The following CNTNAP5 variants were observed in gnomAD, a reference collection of about 807,000 sequenced individuals.
CNTNAP5 encodes contactin-associated protein-like 5.
Under a neutral mutation model 150.2 loss-of-function variants are expected in CNTNAP5, and 72 were observed. The observed-to-expected ratio is 0.48, with a 90% confidence interval of 0.40 to 0.58. The LOEUF (loss-of-function observed/expected upper bound fraction) is 0.58, where lower values mean the gene tolerates loss of function less well. Ranked by LOEUF, CNTNAP5 falls within the 20% of genes least tolerant of loss-of-function variation. CNTNAP5 has a pLI of 0.00. For missense variants in CNTNAP5, 1,636 were observed against 1,626.2 expected (o/e 1.01, Z -0.10); for synonymous variants, 672 against 619.8 (o/e 1.08, Z -1.25).
chr2:124,428,568 C>T (rs1285157387), intron 4 of CNTNAP5, among the ~76,000 whole-genome samples: 1 of 151,644 alleles, frequency 6.6e-6, no homozygotes, highest in African/African-American at 2.4e-5. Context: ...AGTGAAAGAG[C>T]AAGTGAAGAA....
At chr2:124,116,317 A>T (rs1049034697) in intron 1 of CNTNAP5, among the ~76,000 whole-genome samples, 3 of 152,196 alleles carry the variant, frequency 2.0e-5, no homozygotes, top group African/African-American at 7.2e-5. Context: ...CTGCTATCAC[A>T]GTCCCCATAG....
chr2:124,048,195 T>C (rs1681590716), intron 1 of CNTNAP5, among the ~76,000 whole-genome samples: 1 of 152,190 alleles, frequency 6.6e-6, no homozygotes, highest in South Asian at 2.1e-4. Flanking sequence ...TGTTGTTCTG[T>C]TTAAACTGGC....
chr2:124,075,858 C>T (rs752313607), intron 1 of CNTNAP5, among the ~76,000 whole-genome samples: 5 of 152,132 alleles, frequency 3.3e-5, no homozygotes, highest in Non-Finnish European at 7.4e-5. Flanking sequence ...AAAGTTTGTA[C>T]TTTATGCCTT....
chr2:124,520,724 T>C (rs1013706851), intron 8 of CNTNAP5, among the ~76,000 whole-genome samples: 1 of 152,064 alleles, frequency 6.6e-6, no homozygotes, highest in Non-Finnish European at 1.5e-5. Flanking sequence ...CTAAGATAAT[T>C]TTTTTCCCCC....
rs181846345 is a variant in CNTNAP5, at chr2:124,725,535, C to T, written c.2078-21694C>T. Among the ~76,000 whole-genome samples, 278 of 149,272 alleles carry T rather than the reference C, an allele frequency of 1.9e-3. 2 individuals carry two copies. The highest frequency in any genetic ancestry group is 2.4e-3 in the Admixed American group (36 of 14,700). On this transcript the variant is annotated intron_variant, in intron 13 of 23. Transcript: ENST00000682447. ...CTTTCCTCTTCTCTCCTCTTGTTTC[C>T]TTCCTCTCTCTCTCACTCTTTCTTT...
intron 3 of CNTNAP5, among the ~76,000 whole-genome samples, chr2:124,310,793 T>G (rs1007275860): frequency 2.0e-5 from 3 of 152,122 alleles, no homozygotes; most frequent in Non-Finnish European, 2.9e-5. Flanking sequence ...AGAAGAAGCT[T>G]CCTTACCTCA....
intron 1 of CNTNAP5, among the ~76,000 whole-genome samples, chr2:124,192,370 C>G (rs1243886159): frequency 6.6e-6 from 1 of 152,112 alleles, no homozygotes; most frequent in East Asian, 1.9e-4. Context: ...GCAGCCCTGG[C>G]ACTTCTTTGC....
At chr2:124,743,734 A>G (rs576800162) in intron 13 of CNTNAP5, among the ~76,000 whole-genome samples, 1 of 152,176 alleles carries the variant, frequency 6.6e-6, no homozygotes, top group Non-Finnish European at 1.5e-5. Flanking sequence ...CTTAGCTTCT[A>G]TTCAAGAACC....
intron 12 of CNTNAP5, among the ~76,000 whole-genome samples, chr2:124,625,860 A>G (rs138200485): frequency 1.3e-5 from 2 of 152,280 alleles, no homozygotes; most frequent in African/African-American, 4.8e-5. Context: ...TCTTACAGCA[A>G]TTTTAGCTAG....
chr2:124,312,639 C>CG (rs1316425845), intron 3 of CNTNAP5, among the ~76,000 whole-genome samples: 2 of 152,220 alleles, frequency 1.3e-5, no homozygotes, highest in Non-Finnish European at 2.9e-5. Context: ...GGCACTACCT[C>CG]GGCTCACTGC....
Position 124,701,187 on chromosome 2 carries a change from T to A in CNTNAP5, c.2078-46042T>A, listed in dbSNP as rs183062618. On this transcript the variant is annotated intron_variant, in intron 13 of 23. Coordinates refer to ENST00000682447, the MANE Select transcript of CNTNAP5 (RefSeq NM_001367498.1). ...CCTATGCATTTTCTACCCTCCTCTG[T>A]CAACCCTGGTAACCAATGTGTTGTT... is the stretch of plus-strand genomic sequence containing the variant. Among the ~76,000 whole-genome samples the A allele has an allele frequency of 1.1e-3, 169 of 152,234 alleles. 2 individuals carry two copies. In the East Asian group the frequency reaches 0.016, roughly 14 times the overall value.
At chr2:124,613,016 C>T (rs1677418863) in intron 12 of CNTNAP5, among the ~76,000 whole-genome samples, 1 of 152,158 alleles carries the variant, frequency 6.6e-6, no homozygotes. Context: ...TGTGCCACTG[C>T]ACTCCAGCCT....
chr2:124,710,604 G>T (rs1404601131), intron 13 of CNTNAP5, among the ~76,000 whole-genome samples: 1 of 152,108 alleles, frequency 6.6e-6, no homozygotes, highest in Admixed American at 6.5e-5. Context: ...TGGTGCTGAA[G>T]ATATGGCAAT....
intron 1 of CNTNAP5, among the ~76,000 whole-genome samples, chr2:124,183,482 T>C (rs1685256220): frequency 6.6e-6 from 1 of 152,218 alleles, no homozygotes; most frequent in African/African-American, 2.4e-5. Flanking sequence ...CACAATCCAG[T>C]GGAATTGAAC....
At chr2:124,320,255 T>A (rs1017288297) in intron 3 of CNTNAP5, among the ~76,000 whole-genome samples, 1 of 152,210 alleles carries the variant, frequency 6.6e-6, no homozygotes, top group Non-Finnish European at 1.5e-5. Flanking sequence ...GATAGATTGC[T>A]TTCCTCAAAG....
chr2:124,794,737 C>T (rs1681809144), intron 18 of CNTNAP5, among the ~76,000 whole-genome samples: 2 of 152,086 alleles, frequency 1.3e-5, no homozygotes, highest in South Asian at 4.1e-4. Flanking sequence ...TCAACAGTTA[C>T]AAACTCATGA....
At chr2:124,282,190 C>T (rs1202440244) in intron 3 of CNTNAP5, among the ~76,000 whole-genome samples, 1 of 152,138 alleles carries the variant, frequency 6.6e-6, no homozygotes, top group Non-Finnish European at 1.5e-5. Flanking sequence ...ATCTGACACA[C>T]TTGTGTTTGA....
At chr2:124,708,384 T>G (rs1251322900) in intron 13 of CNTNAP5, among the ~76,000 whole-genome samples, 1 of 152,042 alleles carries the variant, frequency 6.6e-6, no homozygotes, top group Non-Finnish European at 1.5e-5. Context: ...GCTCAATCAT[T>G]GGTAGTTCTC....
intron 8 of CNTNAP5, among the ~76,000 whole-genome samples, chr2:124,506,735 G>C (rs768840690): frequency 6.6e-6 from 1 of 152,166 alleles, no homozygotes; most frequent in Non-Finnish European, 1.5e-5. Context: ...TTTAATGGTT[G>C]AAAACATTTT....
Sources: gnomAD v4.1 joint callset for allele counts (sites outside exome capture counted in the v4.1 genomes callset) on GRCh38, gnomAD v4.1.1 for gene constraint, MANE v1.5 for transcripts, NCBI Gene and HGNC (gene_info 2026-07-23, HGNC 2026-07-21) for gene names.